The following COL23A1 variants were observed in gnomAD, a reference collection of about 807,000 sequenced individuals.
COL23A1 encodes collagen type XXIII alpha 1 chain, also known as collagen alpha-1(XXIII) chain.
A neutral mutation model predicts 99.3 loss-of-function variants in COL23A1; 97 were observed. The observed-to-expected ratio is 0.98, with a 90% CI of 0.83 to 1.16. The LOEUF is 1.16. Ranked by LOEUF, COL23A1 falls within the 50% of genes most tolerant of loss-of-function variation. The pLI, the probability that COL23A1 is intolerant of heterozygous loss-of-function variation, is 0.00. For synonymous variants in COL23A1, 320 were observed against 308.2 expected (o/e 1.04, Z -0.40); for missense variants, 762 against 757.4 (o/e 1.01, Z -0.07).
At chr5:178,532,840 G>T (rs1483120328) in intron 2 of COL23A1, among the ~76,000 whole-genome samples, 1 of 152,166 alleles carries the variant, frequency 6.6e-6, no homozygotes, top group East Asian at 1.9e-4. Flanking sequence ...GACACGTGAG[G>T]ATGTGGCAAG....
At chr5:178,312,012 T>C (rs1010538324) in intron 2 of COL23A1, among the ~76,000 whole-genome samples, 1 of 152,132 alleles carries the variant, frequency 6.6e-6, no homozygotes, top group Non-Finnish European at 1.5e-5. Context: ...ATTACAGGTG[T>C]GGGCTACCGC....
chr5:178,311,379 C>T (rs573828186), intron 2 of COL23A1, among the ~76,000 whole-genome samples: 15 of 152,292 alleles, frequency 9.8e-5, no homozygotes, highest in African/African-American at 3.6e-4. Context: ...ACACACCAGC[C>T]TGGGGTACAA....
intron 25 of COL23A1, 79 bp downstream of exon 25, chr5:178,245,863 C>A (rs1764664522): frequency 3.9e-6 from 6 of 1,524,832 alleles, no homozygotes; most frequent in Non-Finnish European, 5.5e-6. Flanking sequence ...ACTTGAGTAG[C>A]CAGATCAGGT....
At chr5:178,510,437 G>A (rs1195159151) in intron 2 of COL23A1, among the ~76,000 whole-genome samples, 1 of 152,184 alleles carries the variant, frequency 6.6e-6, no homozygotes, top group African/African-American at 2.4e-5. Flanking sequence ...AGCTACTCAG[G>A]AGGTTGAGGC....
At chr5:178,426,480 C>T (rs1765943477) in intron 2 of COL23A1, among the ~76,000 whole-genome samples, 4 of 152,246 alleles carry the variant, frequency 2.6e-5, no homozygotes, top group South Asian at 4.1e-4. Context: ...GTCCCACTGC[C>T]GGACACAGAC....
chr5:178,254,315 G>T (rs1054765528), intron 16 of COL23A1, among the ~76,000 whole-genome samples: 1 of 152,198 alleles, frequency 6.6e-6, no homozygotes, highest in Non-Finnish European at 1.5e-5. Flanking sequence ...CATGCCTGGG[G>T]GTGGGTGCCA....
intron 2 of COL23A1, among the ~76,000 whole-genome samples, chr5:178,317,072 C>A (rs990510419): frequency 1.3e-5 from 2 of 152,198 alleles, no homozygotes; most frequent in Non-Finnish European, 2.9e-5. Flanking sequence ...GACATGCTTA[C>A]AGAATAAATA....
At chr5:178,317,072 C>T (rs990510419) in intron 2 of COL23A1, among the ~76,000 whole-genome samples, 1 of 152,198 alleles carries the variant, frequency 6.6e-6, no homozygotes. Flanking sequence ...GACATGCTTA[C>T]AGAATAAATA....
chr5:178,455,576 C>T (rs758348549), intron 2 of COL23A1, among the ~76,000 whole-genome samples: 11 of 152,210 alleles, frequency 7.2e-5, no homozygotes, highest in Non-Finnish European at 1.3e-4. Flanking sequence ...GCTGACCAAG[C>T]GAGAATCACG....
intron 2 of COL23A1, among the ~76,000 whole-genome samples, chr5:178,354,238 T>A (rs1761495732): frequency 6.6e-6 from 1 of 152,220 alleles, no homozygotes; most frequent in Admixed American, 6.5e-5. Flanking sequence ...TGGGATAGGG[T>A]CTTCCTATGT....
At chr5:178,570,565 A>G (rs893458016) in intron 1 of COL23A1, among the ~76,000 whole-genome samples, 67 of 152,346 alleles carry the variant, frequency 4.4e-4, no homozygotes, top group African/African-American at 1.5e-3. Flanking sequence ...TATAGGCAAC[A>G]TAGAGTGACA....
At chr5:178,391,373 G>A (rs1488488756) in intron 2 of COL23A1, among the ~76,000 whole-genome samples, 1 of 152,198 alleles carries the variant, frequency 6.6e-6, no homozygotes, top group Admixed American at 6.5e-5. Context: ...ACTATAATAC[G>A]TAAAGGATTC....
intron 3 of COL23A1, among the ~76,000 whole-genome samples, chr5:178,291,854 T>A (rs1026644775): frequency 1.3e-5 from 2 of 152,040 alleles, no homozygotes; most frequent in African/African-American, 4.8e-5. Flanking sequence ...CTTGAAACAC[T>A]GATGTACTCA....
chr5:178,363,531 A>C (rs1323098849), intron 2 of COL23A1, among the ~76,000 whole-genome samples: 1 of 152,240 alleles, frequency 6.6e-6, no homozygotes, highest in East Asian at 1.9e-4. Flanking sequence ...ACTCCCAGCC[A>C]GACTCTGGTC....
At chr5:178,332,657 G>A (rs56234995) in intron 2 of COL23A1, among the ~76,000 whole-genome samples, 3,086 of 152,162 alleles carry the variant, frequency 0.02, 39 homozygotes, top group South Asian at 0.052. Context: ...AAATCACAAG[G>A]CAGCCCACTT....
intron 2 of COL23A1, among the ~76,000 whole-genome samples, chr5:178,458,538 G>A (rs1755928914): frequency 6.6e-6 from 1 of 151,956 alleles, no homozygotes; most frequent in Non-Finnish European, 1.5e-5. Flanking sequence ...TCAGGAGGCT[G>A]AGTCATGAGA....
At chr5:178,304,991 A>G (rs1758273129) in intron 3 of COL23A1, among the ~76,000 whole-genome samples, 1 of 152,204 alleles carries the variant, frequency 6.6e-6, no homozygotes, top group South Asian at 2.1e-4. Flanking sequence ...TTTTGGAGTA[A>G]GCTGAATAAT....
At chr5:178,588,286 G>C (rs1268040190) in intron 1 of COL23A1, among the ~76,000 whole-genome samples, 1 of 152,160 alleles carries the variant, frequency 6.6e-6, no homozygotes, top group African/African-American at 2.4e-5. Flanking sequence ...ACACTTCCCA[G>C]CAGTGGCTGC....
chr5:178,472,316 A>G (rs1756797761), intron 2 of COL23A1, among the ~76,000 whole-genome samples: 1 of 152,106 alleles, frequency 6.6e-6, no homozygotes, highest in Admixed American at 6.5e-5. Flanking sequence ...GTCTATCCCA[A>G]TGTGCACTTT....
Sources: allele counts gnomAD v4.1 joint callset (sites outside exome capture counted in the v4.1 genomes callset), GRCh38; gene constraint gnomAD v4.1.1; transcripts MANE v1.5; gene names NCBI Gene and HGNC (gene_info 2026-07-23, HGNC 2026-07-21).